HCN1: variants seen among roughly 807,000 people sequenced by gnomAD.
HCN1 encodes the protein potassium/sodium hyperpolarization-activated cyclic nucleotide-gated channel 1.
A neutral mutation model predicts 78.9 loss-of-function variants in HCN1; 13 were observed. That is an observed-to-expected ratio of 0.16 (90% CI 0.11 to 0.26). The LOEUF (loss-of-function observed/expected upper bound fraction) is 0.26, where lower values mean the gene tolerates loss of function less well. Among genes scored for constraint, HCN1 ranks in the 10% least tolerant of loss-of-function variants. The pLI is 1.00. For missense variants in HCN1, 810 were observed against 1,154.3 expected, an observed-to-expected ratio of 0.70 and a Z score of 4.32; for synonymous variants, 552 against 455.5, an observed-to-expected ratio of 1.21 and a Z score of -2.70.
chr5:45,638,687 G>C (rs1383139852), intron 2 of HCN1, among the ~76,000 whole-genome samples: 1 of 152,168 alleles, frequency 6.6e-6, no homozygotes, highest in Non-Finnish European at 1.5e-5. Context: ...CAGATCACCT[G>C]AGGTCAGGAG....
At chr5:45,684,735 G>A (rs1739770512) in intron 1 of HCN1, among the ~76,000 whole-genome samples, 2 of 152,118 alleles carry the variant, frequency 1.3e-5, no homozygotes, top group African/African-American at 2.4e-5. Context: ...GTTGGTGCAT[G>A]CCTGTAATTC....
At chr5:45,418,526 T>A (rs929487880) in intron 3 of HCN1, among the ~76,000 whole-genome samples, 10 of 151,656 alleles carry the variant, frequency 6.6e-5, no homozygotes, top group Non-Finnish European at 1.3e-4. Flanking sequence ...GCTTTTAAGA[T>A]CAAGCAATCT....
At chr5:45,295,183 C>G (rs1210681241) in intron 6 of HCN1, among the ~76,000 whole-genome samples, 1 of 152,008 alleles carries the variant, frequency 6.6e-6, no homozygotes, top group Non-Finnish European at 1.5e-5. Flanking sequence ...CACCATCACT[C>G]TCAATGGGAA....
intron 2 of HCN1, among the ~76,000 whole-genome samples, chr5:45,491,316 C>T (rs1372105734): frequency 2.0e-5 from 3 of 152,074 alleles, no homozygotes; most frequent in Admixed American, 2.0e-4. Context: ...ATCAAATTTT[C>T]CCTTTAAAGT....
chr5:45,618,885 T>C (rs1427773183), intron 2 of HCN1, among the ~76,000 whole-genome samples: 1 of 151,942 alleles, frequency 6.6e-6, no homozygotes, highest in Non-Finnish European at 1.5e-5. Flanking sequence ...GTTCACTTTT[T>C]AACATATTGG....
chr5:45,542,324 G>A (rs1027460118), intron 2 of HCN1, among the ~76,000 whole-genome samples: 1 of 151,994 alleles, frequency 6.6e-6, no homozygotes, highest in Non-Finnish European at 1.5e-5. Flanking sequence ...TTCCCAATAA[G>A]TTGATTAATG....
chr5:45,266,203 T>C (rs1231792207), intron 7 of HCN1, among the ~76,000 whole-genome samples: 1 of 152,198 alleles, frequency 6.6e-6, no homozygotes, highest in Non-Finnish European at 1.5e-5. Flanking sequence ...AATGGTTGTA[T>C]ATATATATTT....
At chr5:45,300,512 T>C (rs948304781) in intron 6 of HCN1, among the ~76,000 whole-genome samples, 5 of 152,104 alleles carry the variant, frequency 3.3e-5, no homozygotes, top group African/African-American at 1.2e-4. Flanking sequence ...TTATTAATTT[T>C]TAAATATTTT....
chr5:45,577,348 G>T (rs1328971819), intron 2 of HCN1, among the ~76,000 whole-genome samples: 1 of 152,042 alleles, frequency 6.6e-6, no homozygotes, highest in East Asian at 1.9e-4. Context: ...TCAGTGCTGG[G>T]TGTTGGTGGT....
intron 2 of HCN1, among the ~76,000 whole-genome samples, chr5:45,553,403 C>G (rs1441987509): frequency 6.6e-6 from 1 of 151,872 alleles, no homozygotes; most frequent in Non-Finnish European, 1.5e-5. Flanking sequence ...TGCCCCTGGA[C>G]ACACTATAAA....
At chr5:45,312,507 C>G (rs552033742) in intron 5 of HCN1, among the ~76,000 whole-genome samples, 3 of 152,284 alleles carry the variant, frequency 2.0e-5, no homozygotes, top group African/African-American at 7.2e-5. Context: ...TAGCACTTGT[C>G]AGACAGTGGG....
intron 2 of HCN1, among the ~76,000 whole-genome samples, chr5:45,495,674 G>A (rs1336021646): frequency 3.3e-5 from 5 of 152,114 alleles, no homozygotes; most frequent in African/African-American, 9.7e-5. Flanking sequence ...TCCCTGTCTT[G>A]TGCCAGTTTT....
intron 4 of HCN1, among the ~76,000 whole-genome samples, chr5:45,365,337 C>T (rs1316458971): frequency 6.6e-6 from 1 of 151,864 alleles, no homozygotes; most frequent in East Asian, 1.9e-4. Flanking sequence ...TCAACCCTCA[C>T]CCACCTCCCA....
chr5:45,277,486 T>C (rs1745086941), intron 6 of HCN1, among the ~76,000 whole-genome samples: 1 of 151,968 alleles, frequency 6.6e-6, no homozygotes, highest in Non-Finnish European at 1.5e-5. Context: ...AAAAAAACAA[T>C]GCTAGGCTGT....
chr5:45,335,608 A>G (rs182875716), intron 5 of HCN1, among the ~76,000 whole-genome samples: 66 of 152,126 alleles, frequency 4.3e-4, no homozygotes, highest in Non-Finnish European at 4.9e-4. Context: ...GCAAATAACT[A>G]CATACAATTA....
chr5:45,466,956 C>T (rs1026575729), intron 2 of HCN1, among the ~76,000 whole-genome samples: 1 of 151,962 alleles, frequency 6.6e-6, no homozygotes, highest in Non-Finnish European at 1.5e-5. Context: ...GAAGGTCAAC[C>T]ATCTGAACAT....
chr5:45,395,534 A>T (rs1460940113), intron 4 of HCN1, among the ~76,000 whole-genome samples: 1 of 152,184 alleles, frequency 6.6e-6, no homozygotes, highest in Non-Finnish European at 1.5e-5. Flanking sequence ...TTGTGTGATT[A>T]TAGTGTTGAA....
intron 2 of HCN1, among the ~76,000 whole-genome samples, chr5:45,497,911 GC>G (rs1371864700): frequency 1.3e-5 from 2 of 152,078 alleles, no homozygotes; most frequent in African/African-American, 4.8e-5. Flanking sequence ...TTGAATATTG[GC>G]CCCCACTCTC....
intron 6 of HCN1, among the ~76,000 whole-genome samples, chr5:45,283,390 T>C (rs1228630893): frequency 6.6e-6 from 1 of 152,086 alleles, no homozygotes; most frequent in Non-Finnish European, 1.5e-5. Context: ...TTGCAAACTA[T>C]GTAGCTGATA....
Sources: gnomAD v4.1 joint callset for allele counts (sites outside exome capture counted in the v4.1 genomes callset) on GRCh38, gnomAD v4.1.1 for gene constraint, MANE v1.5 for transcripts, NCBI Gene and HGNC (gene_info 2026-07-23, HGNC 2026-07-21) for gene names.